The following AXIN2 variants were observed in gnomAD, a reference collection of about 807,000 sequenced individuals.
AXIN2 encodes the protein axin 2, also known as axin-2.
A neutral mutation model predicts 74.7 loss-of-function variants in AXIN2; 21 were observed. The observed-to-expected ratio is 0.28, with a 90% CI of 0.20 to 0.40. AXIN2 has a LOEUF of 0.40. Among genes scored for constraint, AXIN2 ranks in the 10% least tolerant of loss-of-function variants. The pLI is 1.00. For missense variants in AXIN2, 1,144 were observed against 1,111.1 expected (o/e 1.03, Z -0.42); for synonymous variants, 532 against 454.9 (o/e 1.17, Z -2.16).
chr17:65,549,452 T>C, intron 3 of AXIN2, 68 bp downstream of exon 3: 1 of 1,600,034 alleles, frequency 6.2e-7, no homozygotes. Context: ...TGACAGACGA[T>C]TCTGGCTAAG....
intron 3 of AXIN2, among the ~76,000 whole-genome samples, chr17:65,547,830 A>G (rs2044137784): frequency 6.6e-6 from 1 of 152,202 alleles, no homozygotes; most frequent in African/African-American, 2.4e-5. Context: ...CAGCAGGGAG[A>G]ATGAAAAGAG....
Position 65,536,947 on chromosome 17 carries a change from C to T in AXIN2, c.1829G>A (p.Arg610Gln), listed in dbSNP as rs376248072. 48 of 1,613,538 alleles carry T rather than the reference C, an allele frequency of 3.0e-5. No individual in the cohort carries two copies. The African/African-American group carries it at 5.3e-4, about 18-fold the overall frequency. The change falls in exon 7 of 11, where the codon CGG becomes CAG. Residue 610 changes from arginine to glutamine, a missense_variant. Coordinates refer to ENST00000307078, the MANE Select transcript of AXIN2 (RefSeq NM_004655.4). ...PGGAGALQLPREEGDRSQDVW... is the reference protein window; with the variant it reads ...PGGAGALQLPQEEGDRSQDVW... Reference sequence around the variant, plus strand: ...ATCCTGCGACCTGTCTCCTTCCTCCCGGGGAAGCTGCAGGGCCCCAGCTCC... The same window carrying T: ...ATCCTGCGACCTGTCTCCTTCCTCCTGGGGAAGCTGCAGGGCCCCAGCTCC...
rs990798172 is a variant in AXIN2 at position 65,561,505 on chromosome 17, A to G, written c.-172T>C. 2.7e-5 allele frequency: 4 copies of G among 150,048 alleles called. No homozygotes were observed. Among genetic ancestry groups the G allele is most frequent in the Non-Finnish European group, 6.0e-5 (4 of 67,198 alleles). 9.3% of individuals were successfully genotyped at this position (150,048 alleles called of 1,614,324 possible). The stretch of plus-strand genomic sequence containing the variant: ...CGGCCGCCGGGCGGCCCCGAAATCC[A>G]TCGCTCTGAGGGGTTATTTTTATTT... On this transcript the variant is annotated 5_prime_UTR_variant, in exon 1 of 11. The change abolishes an upstream ATG in the 5' untranslated region. Transcript: ENST00000307078.
chr17:65,551,420 TC>T (rs2044191844), intron 2 of AXIN2, among the ~76,000 whole-genome samples: 1 of 152,210 alleles, frequency 6.6e-6, no homozygotes, highest in African/African-American at 2.4e-5. Flanking sequence ...AAGGTCATAG[TC>T]CTGTCTTAAC....
At position 65,536,374 on chromosome 17, in the gene AXIN2, T is replaced by C. The variant is rs778376993; in HGVS notation, c.2087A>G (p.Gln696Arg). 6 of 1,613,566 alleles carry C rather than the reference T, an allele frequency of 3.7e-6. No homozygotes were observed. The highest frequency in any genetic ancestry group is 5.1e-6 in the Non-Finnish European group (6 of 1,180,000). The change falls in exon 8 of 11, where the codon CAG becomes CGG. Residue 696 changes from glutamine to arginine, a missense_variant. Physicochemically the swap from Gln to Arg is conservative, Grantham distance 43. This residue lies in a region of AXIN2 where 1,053 missense variants were observed against 973.5 expected (regional missense o/e 1.08). Transcript: ENST00000307078. ...TAGCCTGCGACAGGCCTCCTCCAGC[T>C]GAGCCAGCGTGTTGGGTGGGGTCAG... Reference protein sequence around the residue: ...PPLTPPNTLAQLEEACRRLAE... With the variant: ...PPLTPPNTLARLEEACRRLAE...
Position 65,537,647 on chromosome 17 carries a change from G to C in AXIN2, c.1389C>G (p.Arg463=), listed in dbSNP as rs878854721. The C allele has an allele frequency of 1.3e-6, 2 of 1,577,532 alleles. No individual in the cohort carries two copies. Among genetic ancestry groups the C allele is most frequent in the Non-Finnish European group, 1.7e-6 (2 of 1,163,990 alleles). Residue 463 remains arginine (R), a synonymous_variant, in exon 6 of 11, where the codon CGC becomes CGG. Coordinates refer to ENST00000307078, the MANE Select transcript of AXIN2 (RefSeq NM_004655.4). Reference sequence around the variant, plus strand: ...GGTGGTGGTGGTCCGGGGAGCGGGAGCGGGGGCTATAGCGGCCTACGCCTG... The same window carrying C: ...GGTGGTGGTGGTCCGGGGAGCGGGACCGGGGGCTATAGCGGCCTACGCCTG... ...QSPGVGRYSP[R]SRSPDHHHHH...
intron 1 of AXIN2, 137 bp downstream of exon 1, chr17:65,561,313 C>T (rs1271731568): frequency 6.9e-6 from 1 of 144,982 alleles, no homozygotes; most frequent in Admixed American, 6.8e-5. Flanking sequence ...CCCGCGCCCC[C>T]CTCCAGGCCC....
intron 10 of AXIN2, among the ~76,000 whole-genome samples, chr17:65,532,289 C>T (rs1025558745): frequency 2.6e-5 from 4 of 152,182 alleles, no homozygotes; most frequent in South Asian, 2.1e-4. Context: ...CCTATGCCAG[C>T]GCCACATGGC....
At chr17:65,538,748 A>T (rs1021206515) in intron 4 of AXIN2, among the ~76,000 whole-genome samples, 7 of 150,832 alleles carry the variant, frequency 4.6e-5, no homozygotes, top group African/African-American at 1.7e-4. Flanking sequence ...AACTCAAGGA[A>T]TAGAAAGTAG....
Position 65,537,007 on chromosome 17 carries a change from A to T in AXIN2, c.1769T>A (p.Leu590Gln), listed in dbSNP as rs1316456738. 6 of 1,611,742 alleles carry T rather than the reference A, an allele frequency of 3.7e-6. No homozygotes were observed. Among genetic ancestry groups the T allele is most frequent in the Non-Finnish European group, 5.1e-6 (6 of 1,179,888 alleles). The change falls in exon 7 of 11, where the codon CTG becomes CAG. Residue 590 changes from leucine (L) to glutamine (Q), a missense_variant. Coordinates refer to ENST00000307078, the MANE Select transcript of AXIN2 (RefSeq NM_004655.4). ...CCCTCCTTCCCTGGCGGGCAGGGCCAGGCCCGGCTCCGTGCCTTTCCCATT... is the reference window on the plus strand; with the variant it reads ...CCCTCCTTCCCTGGCGGGCAGGGCCTGGCCCGGCTCCGTGCCTTTCCCATT... Reference protein sequence around the residue: ...KRNGKGTEPGLALPAREGGAP... With the variant: ...KRNGKGTEPGQALPAREGGAP...
At position 65,529,376 on chromosome 17, in the gene AXIN2, A is replaced by G. The variant is rs910093740; in HGVS notation, c.*600T>C. 2.1e-5 allele frequency: 5 copies of G among 240,332 alleles called. No individual in the cohort carries two copies. The highest frequency in any genetic ancestry group is 8.8e-5 in the African/African-American group (4 of 45,354). 14.9% of individuals were successfully genotyped at this position (240,332 alleles called of 1,614,324 possible). The stretch of plus-strand genomic sequence containing the variant: ...AAAAACAAAACGCACCAATTTCTGC[A>G]TGTGTCAATGGTAGGGCACCATTTT... On this transcript the variant is annotated 3_prime_UTR_variant, in exon 11 of 11. Transcript: ENST00000307078.
rs762913810 is a variant in AXIN2, at chr17:65,537,804, A to AGT, written c.1230_1231dup (p.Leu411HisfsTer48). On this transcript the variant is annotated frameshift_variant, in exon 6 of 11. Coordinates refer to ENST00000307078, the MANE Select transcript of AXIN2 (RefSeq NM_004655.4). LOFTEE classifies it high-confidence loss of function. The stretch of plus-strand genomic sequence containing the variant: ...CGTGGGCGCCCCCTCCCGCGAATTG[A>AGT]GTGTGAGCTCGGAGCCCTCTCTCTC... 6.3e-7 allele frequency: 1 copy of AGT among 1,584,350 alleles called. No individual in the cohort carries two copies. Among genetic ancestry groups the AGT allele is most frequent in the Non-Finnish European group, 8.6e-7 (1 of 1,166,146 alleles).
In AXIN2 at chr17:65,529,170, G is replaced by A. The variant is rs1169196767; in HGVS notation, c.*806C>T. 1 of 234,132 alleles carries A rather than the reference G, an allele frequency of 4.3e-6. No individual in the cohort carries two copies. Among genetic ancestry groups the A allele is most frequent in the Non-Finnish European group, 8.4e-6 (1 of 118,784 alleles). 14.5% of individuals were successfully genotyped at this position (234,132 alleles called of 1,614,324 possible). ...CAGGCCTCAGGGCCCTGGGCCTGGG[G>A]AGGCTACATGAGGGGGAGCCTCAGT... On this transcript the variant is annotated 3_prime_UTR_variant, in exon 11 of 11. Coordinates refer to ENST00000307078, the MANE Select transcript of AXIN2 (RefSeq NM_004655.4).
At chr17:65,555,112 CACAA>C (rs1393639816) in intron 2 of AXIN2, among the ~76,000 whole-genome samples, 3 of 152,172 alleles carry the variant, frequency 2.0e-5, no homozygotes, top group African/African-American at 7.2e-5. Flanking sequence ...TCAGTAAGGA[CACAA>C]ACAAGTCGTT....
At chr17:65,535,902 G>C (rs1245677909) in intron 8 of AXIN2, among the ~76,000 whole-genome samples, 181 bp from the exon 9 acceptor site, 1 of 152,172 alleles carries the variant, frequency 6.6e-6, no homozygotes, top group Non-Finnish European at 1.5e-5. Context: ...AGACGTCTTG[G>C]AACAGCCATT....
chr17:65,557,644 C>G (rs1381618816), intron 2 of AXIN2, among the ~76,000 whole-genome samples, 162 bp downstream of exon 2: 1 of 151,322 alleles, frequency 6.6e-6, no homozygotes, highest in Non-Finnish European at 1.5e-5. Context: ...CGCTTTCCCC[C>G]TGTTTCAACA....
In AXIN2 at chr17:65,528,924, A is replaced by C. The variant is rs2043771642; in HGVS notation, c.*1052T>G. ...GATGTATAGTACAAGTAACAATGGC[A>C]AACAGAATGTACAGATTAACTTAAC... is the stretch of plus-strand genomic sequence containing the variant. On this transcript the variant is annotated 3_prime_UTR_variant, in exon 11 of 11. Transcript: ENST00000307078. 1 of 311,950 alleles carries C rather than the reference A, an allele frequency of 3.2e-6. No individual in the cohort carries two copies. The highest frequency in any genetic ancestry group is 2.2e-5 in the African/African-American group (1 of 46,214). The allele number at this position is 311,950 out of a possible 1,614,324, so 19.3% of individuals were successfully genotyped here.
chr17:65,535,333 G>GT (rs1394661519), intron 9 of AXIN2, among the ~76,000 whole-genome samples: 12 of 152,218 alleles, frequency 7.9e-5, no homozygotes, highest in Admixed American at 5.9e-4. Flanking sequence ...TAAATTGCAA[G>GT]TTGAATGGGG....
At position 65,537,587 on chromosome 17, in the gene AXIN2, G is replaced by A. The variant is rs765434564; in HGVS notation, c.1449C>T (p.Pro483=). Residue 483 remains proline, a synonymous_variant, in exon 6 of 11, where the codon CCC becomes CCT. Transcript: ENST00000307078. ...HHSQYHSLLP[P]GGKLPPAAAS... is the part of the protein sequence containing the mutation. ...CGGCCGCGGGAGGCAGCTTGCCACC[G>A]GGCGGGAGCAGGGAGTGGTACTGCG... The A allele has an allele frequency of 3.1e-6, 5 of 1,606,920 alleles. No homozygotes were observed. Among genetic ancestry groups the A allele is most frequent in the Middle Eastern group, 1.7e-4 (1 of 5,886 alleles).
Sources: allele counts gnomAD v4.1 joint callset (sites outside exome capture counted in the v4.1 genomes callset), GRCh38; gene constraint gnomAD v4.1.1; regional missense constraint gnomAD v4.1.1; transcripts MANE v1.5; gene names NCBI Gene and HGNC (gene_info 2026-07-23, HGNC 2026-07-21).